The following TM9SF3 variants were observed in gnomAD, a reference collection of about 807,000 sequenced individuals.
TM9SF3 encodes transmembrane 9 superfamily member 3.
In TM9SF3, 14 loss-of-function variants were observed where a neutral mutation model predicts 78.6. The observed-to-expected ratio is 0.18, with a 90% CI of 0.12 to 0.28. The LOEUF (loss-of-function observed/expected upper bound fraction) is 0.28, where lower values mean the gene tolerates loss of function less well. Among genes scored for constraint, TM9SF3 ranks in the 10% least tolerant of loss-of-function variants. The pLI, the probability that TM9SF3 is intolerant of heterozygous loss-of-function variation, is 1.00. For missense variants in TM9SF3, 496 were observed against 721.9 expected, an observed-to-expected ratio of 0.69 and a Z score of 3.59; for synonymous variants, 231 against 241.7, an observed-to-expected ratio of 0.96 and a Z score of 0.41.
At chr10:96,542,134 T>C (rs946712061) in intron 9 of TM9SF3, among the ~76,000 whole-genome samples, 3 of 152,220 alleles carry the variant, frequency 2.0e-5, no homozygotes, top group Non-Finnish European at 2.9e-5. Flanking sequence ...CAAACTTAAG[T>C]AGTTCAAGTA....
intron 3 of TM9SF3, among the ~76,000 whole-genome samples, chr10:96,562,794 G>A (rs1848324872): frequency 6.6e-6 from 1 of 152,096 alleles, no homozygotes; most frequent in South Asian, 2.1e-4. Context: ...ACAATGTTAG[G>A]GAAATATTAT....
rs1564924636 is a variant in TM9SF3, at chr10:96,518,542, AAC to A, written c.*3719_*3720del. 1 of 152,172 alleles carries A rather than the reference AAC, an allele frequency of 6.6e-6. No individual in the cohort carries two copies. Among genetic ancestry groups the A allele is most frequent in the Non-Finnish European group, 1.5e-5 (1 of 67,994 alleles). The allele number at this position is 152,172 out of a possible 1,614,324, so 9.4% of individuals were successfully genotyped here. On this transcript the variant is annotated 3_prime_UTR_variant, in exon 15 of 15. Coordinates refer to ENST00000371142, the MANE Select transcript of TM9SF3 (RefSeq NM_020123.4). ...CCTAGTTCACCAATACTTCAAAATA[AAC>A]AGACTTCACAAGTTTATTTCCATTC...
intron 3 of TM9SF3, 24 bp from the exon 4 acceptor site, chr10:96,562,162 A>C: frequency 1.3e-6 from 2 of 1,528,200 alleles, no homozygotes; most frequent in Non-Finnish European, 1.8e-6. Flanking sequence ...AACACTTTAT[A>C]CAAGGTAAAA....
intron 2 of TM9SF3, among the ~76,000 whole-genome samples, chr10:96,569,900 C>T (rs1221841962): frequency 2.6e-5 from 4 of 152,114 alleles, no homozygotes; most frequent in Admixed American, 6.5e-5. Context: ...GGCGTGGTGG[C>T]GTGTGCCCGT....
chr10:96,585,223 G>A (rs1848615657), intron 1 of TM9SF3, among the ~76,000 whole-genome samples: 1 of 151,814 alleles, frequency 6.6e-6, no homozygotes, highest in African/African-American at 2.4e-5. Flanking sequence ...AGTTTCATAT[G>A]GTAACTTTTC....
chr10:96,583,436 CCA>C (rs1336178778), intron 1 of TM9SF3, among the ~76,000 whole-genome samples: 1 of 152,218 alleles, frequency 6.6e-6, no homozygotes, highest in Non-Finnish European at 1.5e-5. Context: ...CATCATGGAG[CCA>C]CACTCATTCG....
intron 9 of TM9SF3, among the ~76,000 whole-genome samples, chr10:96,542,973 T>C (rs901876585): frequency 2.0e-5 from 3 of 152,222 alleles, no homozygotes; most frequent in African/African-American, 7.2e-5. Context: ...CCAAACAAGA[T>C]TAAAACAGAT....
At chr10:96,573,564 T>C (rs1437133662) in intron 2 of TM9SF3, among the ~76,000 whole-genome samples, 3 of 152,224 alleles carry the variant, frequency 2.0e-5, no homozygotes, top group African/African-American at 7.2e-5. Context: ...TCTTCTTTTT[T>C]TAATCTGAAA....
At chr10:96,530,768 T>C (rs563684271) in intron 10 of TM9SF3, among the ~76,000 whole-genome samples, 160 bp from the exon 11 acceptor site, 2 of 152,254 alleles carry the variant, frequency 1.3e-5, no homozygotes, top group East Asian at 3.9e-4. Flanking sequence ...GCACAATACA[T>C]AGGTGGGACT....
At chr10:96,565,530 T>G in intron 2 of TM9SF3, 104 bp from the exon 3 acceptor site, 1 of 1,312,152 alleles carries the variant, frequency 7.6e-7, no homozygotes, top group Non-Finnish European at 1.0e-6. Context: ...AGTTAAAATT[T>G]CTATTCACAA....
chr10:96,536,391 AT>A (rs966547939), intron 9 of TM9SF3, among the ~76,000 whole-genome samples: 2 of 152,098 alleles, frequency 1.3e-5, no homozygotes, highest in African/African-American at 2.4e-5. Context: ...TTGATAATCT[AT>A]TTTTTTAAAT....
intron 7 of TM9SF3, among the ~76,000 whole-genome samples, chr10:96,548,511 T>C (rs1172366598): frequency 6.6e-6 from 1 of 152,006 alleles, no homozygotes; most frequent in Non-Finnish European, 1.5e-5. Flanking sequence ...TGAAAATGAT[T>C]TTTAGGCCGC....
chr10:96,575,235 CG>C (rs1462100067), intron 2 of TM9SF3, among the ~76,000 whole-genome samples: 1 of 152,016 alleles, frequency 6.6e-6, no homozygotes, highest in African/African-American at 2.4e-5. Context: ...ACACCAAATA[CG>C]GAAAAAGAGA....
chr10:96,543,188 T>C (rs1848054473), intron 9 of TM9SF3, among the ~76,000 whole-genome samples: 2 of 152,196 alleles, frequency 1.3e-5, no homozygotes, highest in African/African-American at 4.8e-5. Flanking sequence ...CCAAGAAGAA[T>C]TGGGAGACCG....
chr10:96,534,173 T>C lies in TM9SF3; in HGVS notation c.1186-983A>G, dbSNP rs530027782. On this transcript the variant is annotated intron_variant, in intron 9 of 14. Transcript: ENST00000371142. Reference sequence around the variant, plus strand: ...CTCTTTGAACCAATATTAGTAAAAATTCTTCATTAGATCCTTTTGTGTGTG... The same window carrying C: ...CTCTTTGAACCAATATTAGTAAAAACTCTTCATTAGATCCTTTTGTGTGTG... Among the ~76,000 whole-genome samples, 3 of 152,280 alleles carry C rather than the reference T, an allele frequency of 2.0e-5. No homozygotes were observed. In the East Asian group the frequency reaches 5.8e-4, roughly 29 times the overall value.
intron 11 of TM9SF3, among the ~76,000 whole-genome samples, chr10:96,529,165 C>T (rs1847869975): frequency 6.6e-6 from 1 of 152,078 alleles, no homozygotes; most frequent in African/African-American, 2.4e-5. Flanking sequence ...TAAAGAAGTT[C>T]CTGAACTGAC....
At chr10:96,545,699 G>A (rs1848088941) in intron 8 of TM9SF3, among the ~76,000 whole-genome samples, 1 of 152,136 alleles carries the variant, frequency 6.6e-6, no homozygotes, top group Non-Finnish European at 1.5e-5. Flanking sequence ...AGACCAGCCT[G>A]GCCAACGTGG....
intron 8 of TM9SF3, among the ~76,000 whole-genome samples, chr10:96,545,840 G>T (rs1458320250): frequency 6.6e-6 from 1 of 152,184 alleles, no homozygotes; most frequent in Non-Finnish European, 1.5e-5. Flanking sequence ...AGTAAGCTGA[G>T]ATCGTGCCAT....
At chr10:96,571,524 C>T (rs1200025382) in intron 2 of TM9SF3, among the ~76,000 whole-genome samples, 1 of 152,158 alleles carries the variant, frequency 6.6e-6, no homozygotes, top group African/African-American at 2.4e-5. Flanking sequence ...TTTTCCTCAC[C>T]TTTTGGCAAT....
Sources: allele counts gnomAD v4.1 joint callset (sites outside exome capture counted in the v4.1 genomes callset), GRCh38; gene constraint gnomAD v4.1.1; transcripts MANE v1.5; gene names NCBI Gene and HGNC (gene_info 2026-07-23, HGNC 2026-07-21).